Variants in ADAMTSL1 observed in about 807,000 individuals in gnomAD.
ADAMTSL1 encodes the protein ADAMTS-like protein 1.
ADAMTSL1 carries 126 observed loss-of-function variants against 201.8 expected under a neutral mutation model. That is an observed-to-expected ratio of 0.62 (90% CI 0.54 to 0.72). The LOEUF is 0.72. Ranked by LOEUF, ADAMTSL1 falls within the 30% of genes least tolerant of loss-of-function variation. ADAMTSL1 has a pLI of 0.00. For missense variants in ADAMTSL1, 2,679 were observed against 2,277.8 expected (o/e 1.18, Z -3.59); for synonymous variants, 1,121 against 903.4 (o/e 1.24, Z -4.32).
At chr9:18,688,495 C>T (rs914645769) in intron 13 of ADAMTSL1, among the ~76,000 whole-genome samples, 6 of 148,412 alleles carry the variant, frequency 4.0e-5, no homozygotes, top group African/African-American at 1.5e-4. Context: ...AGCAAGACCT[C>T]GTCTCTACTA....
At chr9:17,947,871 G>T (rs1280089568) in intron 1 of ADAMTSL1, among the ~76,000 whole-genome samples, 2 of 152,132 alleles carry the variant, frequency 1.3e-5, no homozygotes, top group African/African-American at 2.4e-5. Context: ...ATGCGTCAAA[G>T]AGTGATGGAT....
intron 1 of ADAMTSL1, among the ~76,000 whole-genome samples, chr9:18,114,792 G>A (rs1469615101): frequency 3.3e-5 from 5 of 152,116 alleles, no homozygotes; most frequent in African/African-American, 1.2e-4. Flanking sequence ...TGCACATGCA[G>A]GAAAAAGCAC....
intron 2 of ADAMTSL1, among the ~76,000 whole-genome samples, chr9:18,275,239 G>T (rs1413598118): frequency 2.0e-5 from 3 of 152,144 alleles, no homozygotes; most frequent in Non-Finnish European, 4.4e-5. Context: ...GTGAGAGAGA[G>T]CTTATTCACT....
chr9:18,239,994 A>G (rs2132444206), intron 2 of ADAMTSL1, among the ~76,000 whole-genome samples: 1 of 152,264 alleles, frequency 6.6e-6, no homozygotes, highest in Admixed American at 6.5e-5. Context: ...GTCATCCATT[A>G]GGGTTGGCAT....
intron 1 of ADAMTSL1, among the ~76,000 whole-genome samples, chr9:17,971,590 G>C (rs1818207809): frequency 6.6e-6 from 1 of 151,952 alleles, no homozygotes; most frequent in African/African-American, 2.4e-5. Context: ...ACATTTATAT[G>C]ACTTTATGAA....
chr9:18,628,222 TCAC>T (rs1331650328), intron 5 of ADAMTSL1, among the ~76,000 whole-genome samples: 20 of 152,344 alleles, frequency 1.3e-4, no homozygotes, highest in African/African-American at 4.6e-4. Context: ...GAAATACATT[TCAC>T]CTTTAGATCA....
chr9:18,301,747 T>C (rs937356346), intron 2 of ADAMTSL1, among the ~76,000 whole-genome samples: 1 of 152,168 alleles, frequency 6.6e-6, no homozygotes, highest in Non-Finnish European at 1.5e-5. Flanking sequence ...TAGAATACAT[T>C]GCTAAGAAAT....
chr9:18,158,743 A>G (rs1036585541), intron 1 of ADAMTSL1, among the ~76,000 whole-genome samples: 2 of 152,008 alleles, frequency 1.3e-5, no homozygotes, highest in African/African-American at 4.8e-5. Flanking sequence ...TAGGATATCA[A>G]TATTTTAGTC....
chr9:18,113,415 G>C (rs936741646), intron 1 of ADAMTSL1, among the ~76,000 whole-genome samples: 4 of 152,140 alleles, frequency 2.6e-5, no homozygotes, highest in Non-Finnish European at 5.9e-5. Flanking sequence ...GTTCAGGAAA[G>C]AGATTTAGCA....
rs1277788647 is a variant in ADAMTSL1 at position 18,864,597 on chromosome 9, C to T, written c.4250-23234C>T. Among the ~76,000 whole-genome samples, 4 of 152,228 alleles carry T rather than the reference C, an allele frequency of 2.6e-5. No individual in the cohort carries two copies. The East Asian group carries it at 7.7e-4, about 29-fold the overall frequency. On this transcript the variant is annotated intron_variant, in intron 23 of 28. Transcript: ENST00000380548. ...CTACCAGTATTAAAGTTAGCATCTTCTGCTGAGGGTGCGAGGAAGTGAAGC... is the reference window on the plus strand; with the variant it reads ...CTACCAGTATTAAAGTTAGCATCTTTTGCTGAGGGTGCGAGGAAGTGAAGC...
upstream of ADAMTSL1, chr9:18,474,067 C>T (rs535381575): frequency 1.4e-3 from 814 of 588,002 alleles, 16 homozygotes; most frequent in South Asian, 0.017. Flanking sequence ...CAGCTTACCC[C>T]CCACCCATCC....
chr9:18,358,087 C>T (rs1463058933), intron 2 of ADAMTSL1, among the ~76,000 whole-genome samples: 26 of 152,200 alleles, frequency 1.7e-4, no homozygotes, highest in Non-Finnish European at 1.8e-4. Context: ...GTGACTTAGA[C>T]ATGTTACTTT....
At chr9:18,080,922 G>A (rs116318452) in intron 1 of ADAMTSL1, among the ~76,000 whole-genome samples, 1,563 of 152,154 alleles carry the variant, frequency 0.01, 23 homozygotes, top group African/African-American at 0.036. Context: ...ATTTGTAACC[G>A]TAATTCTAAC....
At chr9:18,083,989 C>T (rs1823631614) in intron 1 of ADAMTSL1, among the ~76,000 whole-genome samples, 1 of 152,148 alleles carries the variant, frequency 6.6e-6, no homozygotes, top group South Asian at 2.1e-4. Context: ...ATCCTGAAAA[C>T]TAATGGAGGT....
At chr9:18,845,549 A>T (rs1826051616) in intron 23 of ADAMTSL1, among the ~76,000 whole-genome samples, 1 of 152,228 alleles carries the variant, frequency 6.6e-6, no homozygotes, top group Admixed American at 6.5e-5. Flanking sequence ...CAGCCATGCA[A>T]AGCCTGGCAG....
intron 13 of ADAMTSL1, among the ~76,000 whole-genome samples, chr9:18,704,588 T>C (rs1832122806): frequency 1.3e-5 from 2 of 152,366 alleles, no homozygotes; most frequent in African/African-American, 4.8e-5. Flanking sequence ...ATCTGTGTGA[T>C]AAAATTAAAT....
At chr9:18,061,372 T>C (rs1002166368) in intron 1 of ADAMTSL1, among the ~76,000 whole-genome samples, 7 of 152,236 alleles carry the variant, frequency 4.6e-5, no homozygotes, top group Non-Finnish European at 1.0e-4. Flanking sequence ...ATGTAGTATT[T>C]CTTTGCTTCT....
intron 1 of ADAMTSL1, among the ~76,000 whole-genome samples, chr9:18,043,117 G>A (rs1821500332): frequency 6.6e-6 from 1 of 152,116 alleles, no homozygotes; most frequent in African/African-American, 2.4e-5. Flanking sequence ...TTTCAAACTT[G>A]CCACATGTCA....
At chr9:18,141,820 G>T (rs1388443964) in intron 1 of ADAMTSL1, among the ~76,000 whole-genome samples, 1 of 152,154 alleles carries the variant, frequency 6.6e-6, no homozygotes, top group Non-Finnish European at 1.5e-5. Flanking sequence ...GAGAAAGGAG[G>T]TACTGTGGTA....
Sources: allele counts gnomAD v4.1 joint callset (sites outside exome capture counted in the v4.1 genomes callset), GRCh38; gene constraint gnomAD v4.1.1; transcripts MANE v1.5; gene names NCBI Gene and HGNC (gene_info 2026-07-23, HGNC 2026-07-21).